The following HFM1 variants were observed in gnomAD, a reference collection of about 807,000 sequenced individuals.
HFM1 encodes the protein helicase for meiosis 1.
A neutral mutation model predicts 192.1 loss-of-function variants in HFM1; 169 were observed. The observed-to-expected ratio is 0.88, with a 90% CI of 0.78 to 1.00. The LOEUF is 1.00. Among genes scored for constraint, HFM1 ranks in the 50% least tolerant of loss-of-function variants. The probability of loss-of-function intolerance (pLI) is 0.00; values close to 1 mark genes in which losing one functional copy is unlikely to be tolerated. For missense variants in HFM1, 1,661 were observed against 1,668.0 expected, an observed-to-expected ratio of 1.00 and a Z score of 0.07; for synonymous variants, 525 against 537.8, an observed-to-expected ratio of 0.98 and a Z score of 0.33.
intron 36 of HFM1, among the ~76,000 whole-genome samples, chr1:91,265,782 G>A (rs1033045359): frequency 1.3e-5 from 2 of 152,094 alleles, no homozygotes; most frequent in Non-Finnish European, 1.5e-5. Flanking sequence ...ACAAAAATTC[G>A]GTAGATCTAA....
rs938334467 is a variant in HFM1, at chr1:91,316,304, T to C, written c.2898+87A>G. On this transcript the variant is annotated intron_variant, in intron 26 of 38. Transcript: ENST00000370425. ...ACCCAAAAGTAAGTTGAAATACTTA[T>C]AACTATGAGAAGGAAAATAACTTTT... 3.0e-6 allele frequency: 3 copies of C among 1,015,102 alleles called. No individual in the cohort carries two copies. In the East Asian group the frequency reaches 7.4e-5, roughly 25 times the overall value. The allele number at this position is 1,015,102 out of a possible 1,614,324, so 62.9% of individuals were successfully genotyped here.
intron 30 of HFM1, among the ~76,000 whole-genome samples, chr1:91,290,774 A>T (rs2100926368): frequency 6.6e-6 from 1 of 152,146 alleles, no homozygotes; most frequent in Non-Finnish European, 1.5e-5. Context: ...CACCACACCT[A>T]TTCCAAAATT....
Position 91,262,467 on chromosome 1 carries a change from G to A in HFM1, c.4086+14C>T. On this transcript the variant is annotated intron_variant, in intron 37 of 38. Coordinates refer to ENST00000370425, the MANE Select transcript of HFM1 (RefSeq NM_001017975.6). The stretch of plus-strand genomic sequence containing the variant: ...CAAAATTTAAAAGAAAAACAAAGAA[G>A]TGCTTCTTCTTACAATAACTGCATT... 1 of 1,575,682 alleles carries A rather than the reference G, an allele frequency of 6.3e-7. No individual in the cohort carries two copies. The highest frequency in any genetic ancestry group is 2.2e-5 in the East Asian group (1 of 44,518).
intron 18 of HFM1, among the ~76,000 whole-genome samples, chr1:91,348,408 A>G (rs980339844): frequency 1.3e-5 from 2 of 152,198 alleles, no homozygotes; most frequent in African/African-American, 2.4e-5. Context: ...CAATTTAGCC[A>G]CAGGTATCAA....
chr1:91,305,152 G>C (rs1479830068), intron 30 of HFM1, among the ~76,000 whole-genome samples: 1 of 151,980 alleles, frequency 6.6e-6, no homozygotes, highest in Non-Finnish European at 1.5e-5. Context: ...AGCTATTCTG[G>C]GTCCCTTGTA....
chr1:91,374,989 T>A (rs1325794178), intron 13 of HFM1, among the ~76,000 whole-genome samples: 2 of 151,946 alleles, frequency 1.3e-5, no homozygotes, highest in African/African-American at 2.4e-5. Context: ...AGAAAATCAG[T>A]AGAAATGATC....
intron 13 of HFM1, among the ~76,000 whole-genome samples, chr1:91,361,066 A>G (rs1050895551): frequency 6.6e-6 from 1 of 152,166 alleles, no homozygotes; most frequent in African/African-American, 2.4e-5. Flanking sequence ...AGAAACATAT[A>G]GCACCAAATT....
intron 30 of HFM1, among the ~76,000 whole-genome samples, 183 bp downstream of exon 30, chr1:91,313,166 C>T (rs949132404): frequency 6.6e-6 from 1 of 152,050 alleles, no homozygotes. Flanking sequence ...CAACCATTAC[C>T]CCAATTTGAC....
intron 30 of HFM1, among the ~76,000 whole-genome samples, chr1:91,302,158 T>C (rs1648880774): frequency 6.6e-6 from 1 of 151,386 alleles, no homozygotes; most frequent in African/African-American, 2.4e-5. Context: ...AAGACATTTA[T>C]GCAGCCAAAA....
intron 13 of HFM1, among the ~76,000 whole-genome samples, chr1:91,362,987 A>G (rs536902287): frequency 6.6e-6 from 1 of 152,298 alleles, no homozygotes; most frequent in South Asian, 2.1e-4. Flanking sequence ...CAGAAAATTG[A>G]AACTGGACCC....
At chr1:91,283,859 A>C (rs1406351650) in intron 30 of HFM1, among the ~76,000 whole-genome samples, 1 of 152,188 alleles carries the variant, frequency 6.6e-6, no homozygotes, top group Non-Finnish European at 1.5e-5. Flanking sequence ...ACTTAGCATA[A>C]CTTTCTAATT....
intron 13 of HFM1, among the ~76,000 whole-genome samples, chr1:91,373,484 G>A (rs1660511673): frequency 6.6e-6 from 1 of 151,976 alleles, no homozygotes; most frequent in Non-Finnish European, 1.5e-5. Context: ...CTATAATTTG[G>A]ATGCTGTCCA....
At chr1:91,293,950 CA>C (rs1307429524) in intron 30 of HFM1, among the ~76,000 whole-genome samples, 1 of 147,656 alleles carries the variant, frequency 6.8e-6, no homozygotes, top group Non-Finnish European at 1.5e-5. Context: ...ATCGCAAGAA[CA>C]AAAAACCAAA....
At chr1:91,390,220 A>G (rs1364375385) in intron 4 of HFM1, among the ~76,000 whole-genome samples, 1 of 152,126 alleles carries the variant, frequency 6.6e-6, no homozygotes, top group Non-Finnish European at 1.5e-5. Flanking sequence ...GACAGATCAC[A>G]CAGTCAGGAG....
chr1:91,390,976 A>T (rs188704657), intron 4 of HFM1, among the ~76,000 whole-genome samples: 3 of 152,338 alleles, frequency 2.0e-5, no homozygotes, highest in Admixed American at 2.0e-4. Context: ...CAGAGAGCCA[A>T]ATCATGAGTG....
chr1:91,401,152 A>G, intron 1 of HFM1, 43 bp from the exon 2 acceptor site: 1 of 840,870 alleles, frequency 1.2e-6, no homozygotes, highest in Non-Finnish European at 1.8e-6. Flanking sequence ...ATTTATAAAG[A>G]TGTAAAAAAA....
In HFM1 at chr1:91,352,613, C is replaced by T. The variant is rs757896742; in HGVS notation, c.1870G>A (p.Ala624Thr). 1.2e-6 allele frequency: 2 copies of T among 1,608,358 alleles called. No individual in the cohort carries two copies. Among genetic ancestry groups the T allele is most frequent in the Non-Finnish European group, 1.7e-6 (2 of 1,176,706 alleles). The change falls in exon 16 of 39, where the codon GCT becomes ACT. Residue 624 changes from alanine (A) to threonine (T), a missense_variant. Coordinates refer to ENST00000370425, the MANE Select transcript of HFM1 (RefSeq NM_001017975.6). ...STLAMGVNLP[A>T]HLVVIKSTMH... ...GTAGATTTTATAACTACTAGGTGAG[C>T]AGGCAAATTTACTCCCATAGCTAAA... is the stretch of plus-strand genomic sequence containing the variant.
intron 4 of HFM1, among the ~76,000 whole-genome samples, chr1:91,387,533 G>A (rs546043709): frequency 0.03 from 4,576 of 151,020 alleles, 87 homozygotes; most frequent in Non-Finnish European, 0.049. Flanking sequence ...GGACACCTGC[G>A]TTACCGTTTG....
intron 23 of HFM1, 48 bp downstream of exon 23, chr1:91,322,902 T>G: frequency 1.1e-6 from 1 of 890,158 alleles, no homozygotes; most frequent in Non-Finnish European, 1.6e-6. Flanking sequence ...ATTAAAAATG[T>G]TTTAAAACCA....
Sources: allele counts gnomAD v4.1 joint callset (sites outside exome capture counted in the v4.1 genomes callset), GRCh38; gene constraint gnomAD v4.1.1; transcripts MANE v1.5; gene names NCBI Gene and HGNC (gene_info 2026-07-23, HGNC 2026-07-21).